PCSK5: variants seen among roughly 807,000 people sequenced by gnomAD.
PCSK5 encodes the protein prohormone convertase 5.
Under a neutral mutation model 233.2 loss-of-function variants are expected in PCSK5, and 129 were observed. The ratio of observed to expected loss-of-function variants is 0.55; its 90% CI spans 0.48 to 0.64. PCSK5 has a LOEUF of 0.64. PCSK5 is among the 30% of genes least tolerant of loss of function. PCSK5 has a pLI of 0.00. For missense variants in PCSK5, 2,076 were observed against 2,430.1 expected (o/e 0.85, Z 3.06); for synonymous variants, 825 against 879.2 (o/e 0.94, Z 1.09).
intron 2 of PCSK5, among the ~76,000 whole-genome samples, chr9:75,978,483 G>GATTGGTAGTCCTCTACC (rs1316897862): frequency 6.0e-4 from 92 of 152,290 alleles, no homozygotes; most frequent in Non-Finnish European, 1.2e-3. Flanking sequence ...CCAGACTAGT[G>GATTGGTAGTCCTCTACC]ATTGGTAGTC....
At chr9:76,339,607 C>A (rs535169528) in intron 35 of PCSK5, among the ~76,000 whole-genome samples, 1 of 152,186 alleles carries the variant, frequency 6.6e-6, no homozygotes, top group East Asian at 1.9e-4. Flanking sequence ...TGCAGTGGCG[C>A]GATCTTGGCT....
At chr9:76,046,168 T>TTG (rs1829372829) in intron 5 of PCSK5, among the ~76,000 whole-genome samples, 2 of 60,620 alleles carry the variant, frequency 3.3e-5, no homozygotes, top group African/African-American at 1.0e-4. Flanking sequence ...TTGTTTTTTT[T>TTG]TTTTTTTTTT....
intron 10 of PCSK5, among the ~76,000 whole-genome samples, chr9:76,153,973 T>TA (rs1340164204): frequency 6.6e-6 from 1 of 152,224 alleles, no homozygotes; most frequent in Non-Finnish European, 1.5e-5. Flanking sequence ...TTTCTCTCTT[T>TA]ACAGGTCATT....
Position 76,359,063 on chromosome 9 carries a change from G to A in PCSK5, c.*141G>A. On this transcript the variant is annotated 3_prime_UTR_variant, in exon 38 of 38. Coordinates refer to ENST00000674117, the MANE Select transcript of PCSK5 (RefSeq NM_001372043.1). ...TTAACCATGAGTCCAACCAGAATAT[G>A]TAAGAATGATGAAATACTTTGTTCT... The A allele has an allele frequency of 1.6e-6, 1 of 638,422 alleles. No individual in the cohort carries two copies. The highest frequency in any genetic ancestry group is 2.7e-6 in the Non-Finnish European group (1 of 369,666). 39.5% of individuals were successfully genotyped at this position (638,422 alleles called of 1,614,324 possible). A position where few individuals can be genotyped will look rare whatever the true frequency, so the allele number is the denominator to read the frequency against.
chr9:76,126,621 A>T (rs1311724567), intron 9 of PCSK5, among the ~76,000 whole-genome samples: 2 of 152,220 alleles, frequency 1.3e-5, no homozygotes, highest in Non-Finnish European at 2.9e-5. Flanking sequence ...CTCAAAAAAA[A>T]AACCGTTTTT....
chr9:75,934,628 C>A (rs529769234), intron 2 of PCSK5, among the ~76,000 whole-genome samples: 2 of 151,788 alleles, frequency 1.3e-5, no homozygotes, highest in East Asian at 3.9e-4. Context: ...ATTGCCCAGG[C>A]TGGAGTGCAA....
chr9:76,341,979 T>G (rs1464277117), intron 35 of PCSK5, among the ~76,000 whole-genome samples: 1 of 152,206 alleles, frequency 6.6e-6, no homozygotes, highest in Non-Finnish European at 1.5e-5. Flanking sequence ...GTAGAAAAGG[T>G]GAGCTCACAG....
At chr9:75,937,813 C>T (rs1824125752) in intron 2 of PCSK5, among the ~76,000 whole-genome samples, 1 of 152,246 alleles carries the variant, frequency 6.6e-6, no homozygotes, top group Non-Finnish European at 1.5e-5. Context: ...ACAGAGACAG[C>T]TTCTTTCCTT....
At chr9:76,251,056 C>A (rs780690449) in intron 24 of PCSK5, among the ~76,000 whole-genome samples, 1 of 151,620 alleles carries the variant, frequency 6.6e-6, no homozygotes, top group Non-Finnish European at 1.5e-5. Flanking sequence ...TGGCTTCAGG[C>A]CAGGAGTTCG....
chr9:75,915,505 T>C (rs1349524389), intron 1 of PCSK5, among the ~76,000 whole-genome samples: 1 of 152,204 alleles, frequency 6.6e-6, no homozygotes, highest in African/African-American at 2.4e-5. Flanking sequence ...CTTGAGGCTT[T>C]AAACCTATTT....
intron 30 of PCSK5, among the ~76,000 whole-genome samples, chr9:76,317,031 A>G (rs1380720495): frequency 1.3e-5 from 2 of 152,064 alleles, no homozygotes; most frequent in Admixed American, 6.6e-5. Flanking sequence ...TCTTCTACCT[A>G]GACTGCTTTC....
intron 24 of PCSK5, among the ~76,000 whole-genome samples, chr9:76,277,074 A>C (rs1827716543): frequency 6.6e-6 from 1 of 151,864 alleles, no homozygotes; most frequent in South Asian, 2.1e-4. Flanking sequence ...CAAAAAATAC[A>C]AAAAAAATTA....
intron 35 of PCSK5, among the ~76,000 whole-genome samples, chr9:76,349,606 T>C (rs1830067563): frequency 6.6e-6 from 1 of 152,210 alleles, no homozygotes; most frequent in Non-Finnish European, 1.5e-5. Context: ...ACTATGTGAA[T>C]GTAAATGACA....
intron 3 of PCSK5, among the ~76,000 whole-genome samples, chr9:76,015,860 C>T (rs1031217423): frequency 1.3e-5 from 2 of 152,192 alleles, no homozygotes; most frequent in Admixed American, 1.3e-4. Flanking sequence ...ACACCTTCCT[C>T]ACCTCTCCAG....
In PCSK5 at chr9:76,295,340, C is replaced by T. The variant is rs577837754; in HGVS notation, c.3251C>T (p.Ala1084Val). The T allele has an allele frequency of 1.4e-5, 23 of 1,611,216 alleles. No homozygotes were observed. In the Admixed American group the frequency reaches 1.7e-4, roughly 12 times the overall value. The stretch of plus-strand genomic sequence containing the variant: ...TACAGTGAGGAAGTGGAATGCAAGG[C>T]GTGTGATAGTAACTGTGGCAGCTGT... ...KTYSEEVECKACDSNCGSCDQ... is the reference protein window; with the variant it reads ...KTYSEEVECKVCDSNCGSCDQ... Residue 1084 changes from alanine (A) to valine (V), a missense_variant, in exon 26 of 38, where the codon GCG becomes GTG. Transcript: ENST00000674117.
chr9:76,267,400 A>G (rs1827366651), intron 24 of PCSK5, among the ~76,000 whole-genome samples: 1 of 152,202 alleles, frequency 6.6e-6, no homozygotes, highest in Admixed American at 6.5e-5. Flanking sequence ...GATAATTGTT[A>G]GCCTGCTTTC....
chr9:75,957,237 T>TG (rs1825134188), intron 2 of PCSK5, among the ~76,000 whole-genome samples: 1 of 152,210 alleles, frequency 6.6e-6, no homozygotes, highest in African/African-American at 2.4e-5. Context: ...GACTCAGTCC[T>TG]GGCAGGACAA....
intron 2 of PCSK5, among the ~76,000 whole-genome samples, chr9:75,971,596 T>C (rs776950409): frequency 6.6e-6 from 1 of 152,160 alleles, no homozygotes; most frequent in Non-Finnish European, 1.5e-5. Flanking sequence ...CCAGCATCTG[T>C]TGTTTCTTGA....
intron 21 of PCSK5, among the ~76,000 whole-genome samples, chr9:76,230,855 G>A (rs1587784684): frequency 6.6e-6 from 1 of 151,864 alleles, no homozygotes; most frequent in Non-Finnish European, 1.5e-5. Context: ...AACAAGCTCA[G>A]GGCTCCCACT....
Sources: allele counts gnomAD v4.1 joint callset (sites outside exome capture counted in the v4.1 genomes callset), GRCh38; gene constraint gnomAD v4.1.1; transcripts MANE v1.5; gene names NCBI Gene and HGNC (gene_info 2026-07-23, HGNC 2026-07-21).